Variants in SLC35F3 observed in about 807,000 individuals in gnomAD.
SLC35F3 encodes the protein solute carrier family 35 member F3, also known as putative thiamine transporter SLC35F3.
Under a neutral mutation model 49.9 loss-of-function variants are expected in SLC35F3, and 25 were observed. The ratio of observed to expected loss-of-function variants is 0.50; its 90% CI spans 0.37 to 0.70. The LOEUF is 0.70. Among genes scored for constraint, SLC35F3 ranks in the 30% least tolerant of loss-of-function variants. SLC35F3 has a pLI of 0.00. For synonymous variants in SLC35F3, 275 were observed against 265.4 expected (o/e 1.04, Z -0.35); for missense variants, 525 against 639.8 (o/e 0.82, Z 1.94).
intron 3 of SLC35F3, among the ~76,000 whole-genome samples, chr1:234,232,293 T>C (rs1180045110): frequency 1.3e-5 from 2 of 152,036 alleles, no homozygotes; most frequent in African/African-American, 4.8e-5. Context: ...GACTATATTT[T>C]CTCAAATGGA....
intron 2 of SLC35F3, among the ~76,000 whole-genome samples, chr1:233,992,238 A>C (rs1663367614): frequency 6.6e-6 from 1 of 152,198 alleles, no homozygotes; most frequent in Non-Finnish European, 1.5e-5. Context: ...AAATACAATA[A>C]GTGAATGCTA....
At chr1:234,050,764 G>C (rs1664364998) in intron 2 of SLC35F3, among the ~76,000 whole-genome samples, 1 of 152,148 alleles carries the variant, frequency 6.6e-6, no homozygotes, top group Non-Finnish European at 1.5e-5. Context: ...GGTTTTTATG[G>C]TTTTAGGTCT....
intron 2 of SLC35F3, among the ~76,000 whole-genome samples, chr1:234,077,240 A>G (rs537385081): frequency 5.1e-4 from 77 of 150,192 alleles, no homozygotes; most frequent in South Asian, 6.4e-4. Context: ...TCCTGACCTC[A>G]TGATCCACCC....
At chr1:234,293,114 G>A (rs1296103038) in intron 3 of SLC35F3, among the ~76,000 whole-genome samples, 2 of 152,252 alleles carry the variant, frequency 1.3e-5, no homozygotes, top group Non-Finnish European at 2.9e-5. Flanking sequence ...GCAGATGAGA[G>A]TAACTTTATT....
At chr1:234,084,247 A>ACACG (rs1664928023) in intron 2 of SLC35F3, among the ~76,000 whole-genome samples, 1 of 152,006 alleles carries the variant, frequency 6.6e-6, no homozygotes, top group Non-Finnish European at 1.5e-5. Flanking sequence ...ACACACACAC[A>ACACG]CACAATTTTG....
intron 2 of SLC35F3, among the ~76,000 whole-genome samples, chr1:234,094,715 G>A (rs1337468650): frequency 6.6e-6 from 1 of 152,168 alleles, no homozygotes; most frequent in Non-Finnish European, 1.5e-5. Flanking sequence ...TTCGGCAGGG[G>A]GCGCTTTTAT....
At chr1:234,319,532 A>T (rs536605130) in intron 6 of SLC35F3, among the ~76,000 whole-genome samples, 2 of 152,114 alleles carry the variant, frequency 1.3e-5, no homozygotes, top group African/African-American at 4.8e-5. Flanking sequence ...ATGAGACCTC[A>T]TCTCCATAAA....
intron 2 of SLC35F3, among the ~76,000 whole-genome samples, chr1:234,180,381 T>C (rs1666538831): frequency 6.6e-6 from 1 of 152,180 alleles, no homozygotes; most frequent in Admixed American, 6.5e-5. Flanking sequence ...AATCCCTTTC[T>C]TCAGAAGGAG....
intron 2 of SLC35F3, among the ~76,000 whole-genome samples, chr1:233,986,487 T>C (rs1054246216): frequency 6.6e-6 from 1 of 152,232 alleles, no homozygotes; most frequent in Admixed American, 6.5e-5. Flanking sequence ...GTTTATGAGC[T>C]TGGCTATAGC....
At chr1:234,228,212 C>T (rs1471669825) in intron 2 of SLC35F3, among the ~76,000 whole-genome samples, 1 of 152,178 alleles carries the variant, frequency 6.6e-6, no homozygotes, top group Admixed American at 6.5e-5. Context: ...ATCCTCACTG[C>T]CCCTCCAGGT....
chr1:234,303,811 G>T (rs914822072), intron 3 of SLC35F3, among the ~76,000 whole-genome samples: 8 of 152,024 alleles, frequency 5.3e-5, no homozygotes, highest in Admixed American at 5.2e-4. Flanking sequence ...GTGCCTTGTT[G>T]TGGTTCTTTC....
At chr1:234,314,889 G>C (rs945673332) in intron 4 of SLC35F3, among the ~76,000 whole-genome samples, 1 of 152,256 alleles carries the variant, frequency 6.6e-6, no homozygotes, top group East Asian at 1.9e-4. Context: ...ATGCCTGCCC[G>C]GTTTGGCGTG....
chr1:234,163,738 G>C (rs1456465918), intron 2 of SLC35F3, among the ~76,000 whole-genome samples: 1 of 152,204 alleles, frequency 6.6e-6, no homozygotes, highest in Admixed American at 6.5e-5. Context: ...TAAACTCATA[G>C]ACTAAGTTTG....
chr1:234,159,470 A>T (rs1456576180), intron 2 of SLC35F3, among the ~76,000 whole-genome samples: 1 of 152,010 alleles, frequency 6.6e-6, no homozygotes, highest in Non-Finnish European at 1.5e-5. Context: ...CCAGCTCCTC[A>T]GGAGGCTGAG....
chr1:234,035,771 T>C (rs897065119), intron 2 of SLC35F3, among the ~76,000 whole-genome samples: 3 of 152,222 alleles, frequency 2.0e-5, no homozygotes, highest in African/African-American at 7.2e-5. Flanking sequence ...GTTTGCCAAC[T>C]TTTTAAATTT....
At chr1:234,189,504 T>C (rs1572087651) in intron 2 of SLC35F3, among the ~76,000 whole-genome samples, 1 of 137,868 alleles carries the variant, frequency 7.3e-6, no homozygotes, top group African/African-American at 2.7e-5. Context: ...AATAACTCAA[T>C]CCAACACAGA....
chr1:233,963,019 T>C (rs1486720998), intron 2 of SLC35F3, among the ~76,000 whole-genome samples: 1 of 152,236 alleles, frequency 6.6e-6, no homozygotes, highest in Admixed American at 6.5e-5. Flanking sequence ...GATGGGGATG[T>C]GTCCCAGACC....
intron 2 of SLC35F3, among the ~76,000 whole-genome samples, chr1:233,952,019 A>T (rs536417633): frequency 7.6e-4 from 116 of 151,878 alleles, no homozygotes; most frequent in Non-Finnish European, 1.4e-3. Flanking sequence ...AATCCCAATA[A>T]CTTTTCCTAT....
chr1:234,192,693 C>A (rs1384434141), intron 2 of SLC35F3, among the ~76,000 whole-genome samples: 1 of 152,020 alleles, frequency 6.6e-6, no homozygotes, highest in Admixed American at 6.5e-5. Context: ...ACCTAGAAAA[C>A]CCTAAAGACT....
Sources: allele counts gnomAD v4.1 joint callset (sites outside exome capture counted in the v4.1 genomes callset), GRCh38; gene constraint gnomAD v4.1.1; transcripts MANE v1.5; gene names NCBI Gene and HGNC (gene_info 2026-07-23, HGNC 2026-07-21).